FARS2: variants seen among roughly 807,000 people sequenced by gnomAD.
FARS2 encodes the protein phenylalanine--tRNA ligase, mitochondrial.
Under a neutral mutation model 46.4 loss-of-function variants are expected in FARS2, and 40 were observed. The ratio of observed to expected loss-of-function variants is 0.86; its 90% CI spans 0.67 to 1.12. FARS2 has a LOEUF of 1.12. Ranked by LOEUF, FARS2 falls within the 50% of genes most tolerant of loss-of-function variation. The pLI is 0.00. For synonymous variants in FARS2, 234 were observed against 214.9 expected, an observed-to-expected ratio of 1.09 and a Z score of -0.78; for missense variants, 513 against 567.9, an observed-to-expected ratio of 0.90 and a Z score of 0.98.
At chr6:5,706,896 T>C (rs1389902142) in intron 6 of FARS2, among the ~76,000 whole-genome samples, 1 of 152,262 alleles carries the variant, frequency 6.6e-6, no homozygotes. Context: ...CATCCGTTGA[T>C]GGGGCTCCTG....
chr6:5,612,904 C>T (rs879889017), intron 5 of FARS2, among the ~76,000 whole-genome samples: 1 of 152,064 alleles, frequency 6.6e-6, no homozygotes, highest in Non-Finnish European at 1.5e-5. Context: ...TTTCTTTGTA[C>T]TAAGTTGAAC....
chr6:5,440,341 T>C (rs1026792580), intron 4 of FARS2, among the ~76,000 whole-genome samples: 18 of 152,224 alleles, frequency 1.2e-4, no homozygotes, highest in African/African-American at 4.3e-4. Flanking sequence ...ACAAGTGTCC[T>C]TTGATGTTAC....
rs1257344408 is a variant in FARS2 at position 5,764,663 on chromosome 6, G to A, written c.1218-6628G>A. Among the ~76,000 whole-genome samples, 1 of 152,154 alleles carries A rather than the reference G, an allele frequency of 6.6e-6. No homozygotes were observed. The highest frequency in any genetic ancestry group is 1.5e-5 in the Non-Finnish European group (1 of 68,038). On this transcript the variant is annotated intron_variant, in intron 6 of 6. Transcript: ENST00000274680. This position sits in a 1 kb window ranked among gnomAD's most constrained non-coding sequence, Gnocchi z 4.1. ...TGATCTATTCTGGGAGGTGTTGAGC[G>A]CACCATCCAAGAACATGAAGTCGCT...
chr6:5,287,847 G>A (rs1174984684), intron 1 of FARS2, among the ~76,000 whole-genome samples: 6 of 152,064 alleles, frequency 3.9e-5, no homozygotes. Context: ...TTCAAGAGAT[G>A]ACTCATCTTT....
chr6:5,268,462 T>A (rs1166665824), intron 1 of FARS2, among the ~76,000 whole-genome samples: 7 of 152,240 alleles, frequency 4.6e-5, no homozygotes, highest in African/African-American at 1.4e-4. Flanking sequence ...AAATAGGGAA[T>A]CCTTTCCCCA....
chr6:5,640,810 A>T (rs1397219231), intron 6 of FARS2, among the ~76,000 whole-genome samples: 4 of 152,042 alleles, frequency 2.6e-5, no homozygotes, highest in African/African-American at 4.8e-5. Flanking sequence ...CCTGACAAAC[A>T]CCTTTCTGAC....
chr6:5,661,761 A>C (rs1256746248), intron 6 of FARS2, among the ~76,000 whole-genome samples: 1 of 150,700 alleles, frequency 6.6e-6, no homozygotes. Context: ...AAATGGAGAC[A>C]GTAAGTAGAC....
At chr6:5,533,384 TA>T (rs1178311941) in intron 4 of FARS2, among the ~76,000 whole-genome samples, 1 of 152,224 alleles carries the variant, frequency 6.6e-6, no homozygotes, top group Non-Finnish European at 1.5e-5. Flanking sequence ...ATTGAAAACT[TA>T]AAGTATGAAA....
intron 6 of FARS2, among the ~76,000 whole-genome samples, chr6:5,692,953 G>C (rs1223802472): frequency 1.3e-5 from 2 of 152,108 alleles, no homozygotes; most frequent in Non-Finnish European, 2.9e-5. Context: ...CTCCCCACCA[G>C]AAATGAGGAT....
chr6:5,308,671 C>T (rs527357933), intron 1 of FARS2, among the ~76,000 whole-genome samples: 17 of 152,176 alleles, frequency 1.1e-4, no homozygotes, highest in Non-Finnish European at 1.9e-4. Flanking sequence ...ACTTTGATAG[C>T]CTTGGCTGAC....
intron 4 of FARS2, among the ~76,000 whole-genome samples, chr6:5,481,011 G>C (rs1766421391): frequency 6.6e-6 from 1 of 152,168 alleles, no homozygotes; most frequent in Non-Finnish European, 1.5e-5. Context: ...AAAAATGAAA[G>C]CACTCTTTAA....
chr6:5,441,179 C>T (rs1407485094), intron 4 of FARS2, among the ~76,000 whole-genome samples: 1 of 152,220 alleles, frequency 6.6e-6, no homozygotes, highest in Non-Finnish European at 1.5e-5. Flanking sequence ...GCCTTGGCCT[C>T]CCAAAGTGTT....
intron 5 of FARS2, among the ~76,000 whole-genome samples, chr6:5,550,007 C>T (rs1199370364): frequency 6.6e-6 from 1 of 152,162 alleles, no homozygotes; most frequent in African/African-American, 2.4e-5. Context: ...GGGTATGATT[C>T]ATCCTGGGGC....
chr6:5,719,968 T>A (rs1317966258), intron 6 of FARS2, among the ~76,000 whole-genome samples: 1 of 152,200 alleles, frequency 6.6e-6, no homozygotes, highest in Non-Finnish European at 1.5e-5. Context: ...ACGTCTATTG[T>A]CTTCCAGAAG....
chr6:5,769,822 G>T (rs1232971401), intron 6 of FARS2, among the ~76,000 whole-genome samples: 1 of 152,162 alleles, frequency 6.6e-6, no homozygotes, highest in East Asian at 1.9e-4. Context: ...TCCAAACGGG[G>T]GCTGCATATG....
chr6:5,479,836 C>T (rs974766794), intron 4 of FARS2, among the ~76,000 whole-genome samples: 3 of 152,370 alleles, frequency 2.0e-5, no homozygotes, highest in Admixed American at 6.5e-5. Context: ...CACACAGCCA[C>T]ACCTGAATAT....
chr6:5,296,515 C>A (rs1014363941), intron 1 of FARS2, among the ~76,000 whole-genome samples: 1 of 152,164 alleles, frequency 6.6e-6, no homozygotes, highest in Non-Finnish European at 1.5e-5. Context: ...ATCACCACTA[C>A]CCATCTCTAG....
intron 4 of FARS2, among the ~76,000 whole-genome samples, chr6:5,479,155 G>A (rs1284763722): frequency 1.3e-5 from 2 of 152,188 alleles, no homozygotes; most frequent in African/African-American, 4.8e-5. Flanking sequence ...TAAGGGTCTG[G>A]CCATCTGAGC....
intron 4 of FARS2, among the ~76,000 whole-genome samples, chr6:5,477,782 G>A (rs555056384): frequency 1.2e-4 from 18 of 152,308 alleles, no homozygotes; most frequent in African/African-American, 4.1e-4. Context: ...AGTTTGGGAG[G>A]CCAAGATGGG....
Sources: allele counts gnomAD v4.1 joint callset (sites outside exome capture counted in the v4.1 genomes callset), GRCh38; gene constraint gnomAD v4.1.1; non-coding constraint Gnocchi (gnomAD v3.1); transcripts MANE v1.5; gene names NCBI Gene and HGNC (gene_info 2026-07-23, HGNC 2026-07-21).